SNCAIP: variants seen among roughly 807,000 people sequenced by gnomAD.
The protein encoded by SNCAIP is synuclein alpha interacting protein, also known as synphilin-1.
A neutral mutation model predicts 86.7 loss-of-function variants in SNCAIP; 43 were observed. The ratio of observed to expected loss-of-function variants is 0.50; its 90% confidence interval spans 0.39 to 0.64. The LOEUF is 0.64. Among genes scored for constraint, SNCAIP ranks in the 30% least tolerant of loss-of-function variants. SNCAIP has a pLI of 0.00. For synonymous variants in SNCAIP, 417 were observed against 427.2 expected (o/e 0.98, Z 0.29); for missense variants, 981 against 1,103.1 (o/e 0.89, Z 1.57).
At chr5:122,374,678 AC>A (rs1764932148) in intron 1 of SNCAIP, among the ~76,000 whole-genome samples, 1 of 152,158 alleles carries the variant, frequency 6.6e-6, no homozygotes, top group Admixed American at 6.6e-5. Context: ...AATTGTCATC[AC>A]AACATTTGTT....
chr5:122,424,882 C>A (rs1777060688), intron 4 of SNCAIP, among the ~76,000 whole-genome samples: 1 of 152,172 alleles, frequency 6.6e-6, no homozygotes, highest in Admixed American at 6.5e-5. Flanking sequence ...CCTATGAGAG[C>A]ACTAGTAGCA....
rs554676436 is a variant in SNCAIP at position 122,323,699 on chromosome 5, A to C, written c.-47+11415A>C. On this transcript the variant is annotated intron_variant, in intron 1 of 10. Coordinates refer to ENST00000261368, the MANE Select transcript of SNCAIP (RefSeq NM_005460.4). ...TTTGTTAGAGTTACCACGAAAATAG[A>C]GTGTTCTTTAAAATCTAATTATCGT... 5.3e-5 allele frequency among the ~76,000 whole-genome samples: 8 copies of C among 152,350 alleles called. No homozygotes were observed. In the South Asian group the frequency reaches 1.7e-3, roughly 32 times the overall value.
intron 5 of SNCAIP, among the ~76,000 whole-genome samples, chr5:122,429,086 T>C (rs1777903096): frequency 6.6e-6 from 1 of 151,682 alleles, no homozygotes; most frequent in Admixed American, 6.6e-5. Context: ...TGTTAAGAAA[T>C]CACAAGGAAA....
Position 122,423,052 on chromosome 5 carries a change from C to T in SNCAIP, c.315C>T (p.Tyr105=). ...AAAAGAACCAGAAAGTGGTTGAGTA[C>T]CAGAAAGGGGGTGAGTCTGACCTGG... ...DDQKNQKVVE[Y]QKGGESDLGP... is the part of the protein sequence containing the mutation. The change falls in exon 4 of 11, where the codon TAC becomes TAT. Residue 105 remains tyrosine (Y), a synonymous_variant. Transcript: ENST00000261368. The T allele has an allele frequency of 1.9e-6, 3 of 1,613,974 alleles. No individual in the cohort carries two copies. The highest frequency in any genetic ancestry group is 1.6e-4 in the Middle Eastern group (1 of 6,062).
intron 1 of SNCAIP, among the ~76,000 whole-genome samples, chr5:122,363,145 C>T (rs760099470): frequency 9.2e-5 from 14 of 151,920 alleles, no homozygotes; most frequent in South Asian, 4.2e-4. Flanking sequence ...TACAGGCATG[C>T]GCCACCATGC....
At chr5:122,377,598 T>C (rs983685626) in intron 1 of SNCAIP, among the ~76,000 whole-genome samples, 8 of 151,888 alleles carry the variant, frequency 5.3e-5, no homozygotes, top group Non-Finnish European at 1.0e-4. Context: ...TGCAGGTTAG[T>C]TACATATGTA....
chr5:122,355,132 CAAAG>C (rs1220130365), intron 1 of SNCAIP, among the ~76,000 whole-genome samples: 1 of 152,186 alleles, frequency 6.6e-6, no homozygotes, highest in East Asian at 1.9e-4. Context: ...AAATTTCATG[CAAAG>C]ACTTTCCTAT....
At chr5:122,331,928 T>G (rs1282267181) in intron 1 of SNCAIP, among the ~76,000 whole-genome samples, 2 of 152,226 alleles carry the variant, frequency 1.3e-5, no homozygotes, top group Admixed American at 1.3e-4. Context: ...GCCTGGCCCA[T>G]AGCAGAAATT....
At chr5:122,367,849 G>A (rs778616813) in intron 1 of SNCAIP, among the ~76,000 whole-genome samples, 4 of 152,092 alleles carry the variant, frequency 2.6e-5, no homozygotes, top group African/African-American at 4.8e-5. Context: ...TGATTGTCTC[G>A]TACCTGTGTG....
chr5:122,333,799 GT>G (rs1441417129), intron 1 of SNCAIP, among the ~76,000 whole-genome samples: 2 of 152,196 alleles, frequency 1.3e-5, no homozygotes, highest in Non-Finnish European at 2.9e-5. Context: ...GCAGGGGGTG[GT>G]TGTGTGCCTT....
chr5:122,327,426 C>G (rs1475524270), intron 1 of SNCAIP, among the ~76,000 whole-genome samples: 1 of 152,132 alleles, frequency 6.6e-6, no homozygotes, highest in Non-Finnish European at 1.5e-5. Flanking sequence ...TCTGTGTCCC[C>G]TCCCAAATCT....
intron 1 of SNCAIP, among the ~76,000 whole-genome samples, chr5:122,341,152 C>T (rs1580506368): frequency 6.6e-6 from 1 of 152,266 alleles, no homozygotes; most frequent in East Asian, 1.9e-4. Flanking sequence ...GGCTAACCAG[C>T]GAGGATAATC....
At position 122,450,860 on chromosome 5, in the gene SNCAIP, G is replaced by A; in HGVS notation, c.2013G>A (p.Met671Ile). The A allele has an allele frequency of 6.2e-7, 1 of 1,614,102 alleles. No individual in the cohort carries two copies. Among genetic ancestry groups the A allele is most frequent in the Non-Finnish European group, 8.5e-7 (1 of 1,180,006 alleles). ...ELKLARLRQLMQRSLSESDTD... is the reference protein window; with the variant it reads ...ELKLARLRQLIQRSLSESDTD... ...AGTTAGCCAGGCTGAGACAGCTGAT[G>A]CAGAGGTCACTGAGTGAGTCTGACA... The change falls in exon 10 of 11, where the codon ATG becomes ATA. Residue 671 changes from methionine to isoleucine, a missense_variant. By Grantham distance (10) the Met-to-Ile change is conservative (BLOSUM62 1). Transcript: ENST00000261368.
chr5:122,445,909 G>T (rs1038551584), intron 8 of SNCAIP, among the ~76,000 whole-genome samples: 1 of 151,572 alleles, frequency 6.6e-6, no homozygotes, highest in Admixed American at 6.6e-5. Context: ...ACAAGTCTCT[G>T]TGCCCCTCTA....
intron 6 of SNCAIP, among the ~76,000 whole-genome samples, chr5:122,435,049 G>T (rs1779127839): frequency 6.6e-6 from 1 of 152,052 alleles, no homozygotes; most frequent in Non-Finnish European, 1.5e-5. Context: ...TACCTTTAAA[G>T]ACTCTAGTAC....
In SNCAIP at chr5:122,450,690, G is replaced by A. The variant is rs1581386644; in HGVS notation, c.1843G>A (p.Asp615Asn). 6.2e-7 allele frequency: 1 copy of A among 1,614,192 alleles called. No individual in the cohort carries two copies. The highest frequency in any genetic ancestry group is 8.5e-7 in the Non-Finnish European group (1 of 1,180,028). ...SRARPKAKDE[D>N]SDKILRQLLG... Reference sequence around the variant, plus strand: ...GGCTAGACCCAAAGCAAAAGATGAAGATTCTGATAAAATCTTACGCCAGTT... The same window carrying A: ...GGCTAGACCCAAAGCAAAAGATGAAAATTCTGATAAAATCTTACGCCAGTT... The change falls in exon 10 of 11, where the codon GAT becomes AAT. Residue 615 changes from aspartate (D) to asparagine (N), a missense_variant. Physicochemically the swap from Asp to Asn is conservative, Grantham distance 23 (BLOSUM62 1). Transcript: ENST00000261368.
At chr5:122,317,735 C>T (rs1417112772) in intron 1 of SNCAIP, among the ~76,000 whole-genome samples, 2 of 152,110 alleles carry the variant, frequency 1.3e-5, no homozygotes, top group Non-Finnish European at 2.9e-5. Flanking sequence ...GCAGAAACAG[C>T]AGATATCTAT....
chr5:122,364,059 G>A (rs1340228016), intron 1 of SNCAIP, among the ~76,000 whole-genome samples: 1 of 152,046 alleles, frequency 6.6e-6, no homozygotes, highest in African/African-American at 2.4e-5. Flanking sequence ...ATGAACTCCT[G>A]GCCTCAAGTG....
At chr5:122,462,316 A>G (rs1056989403) in intron 10 of SNCAIP, among the ~76,000 whole-genome samples, 7 of 152,170 alleles carry the variant, frequency 4.6e-5, no homozygotes, top group African/African-American at 1.4e-4. Flanking sequence ...CTGAAATACC[A>G]TTGACATTTT....
Sources: allele counts gnomAD v4.1 joint callset (sites outside exome capture counted in the v4.1 genomes callset), GRCh38; gene constraint gnomAD v4.1.1; transcripts MANE v1.5; gene names NCBI Gene and HGNC (gene_info 2026-07-23, HGNC 2026-07-21).